SETDB2: variants seen among roughly 807,000 people sequenced by gnomAD.
SETDB2 encodes the protein histone-lysine N-methyltransferase SETDB2.
SETDB2 carries 56 observed loss-of-function variants against 82.5 expected under a neutral mutation model. The observed-to-expected ratio is 0.68, with a 90% CI of 0.55 to 0.85. SETDB2 has a LOEUF of 0.85. Among genes scored for constraint, SETDB2 ranks in the 40% least tolerant of loss-of-function variants. SETDB2 has a pLI of 0.00. For synonymous variants in SETDB2, 272 were observed against 284.9 expected, an observed-to-expected ratio of 0.95 and a Z score of 0.46; for missense variants, 677 against 816.4, an observed-to-expected ratio of 0.83 and a Z score of 2.08.
chr13:49,469,090 G>A (rs9596111), intron 5 of SETDB2, among the ~76,000 whole-genome samples: 7,315 of 152,026 alleles, frequency 0.048, 256 homozygotes, highest in South Asian at 0.13. Context: ...TTTGCTTTAA[G>A]TTCATTATAC....
chr13:49,491,024 G>GCT, intron 13 of SETDB2, 114 bp downstream of exon 13: 1 of 708,078 alleles, frequency 1.4e-6, no homozygotes, highest in Non-Finnish European at 2.3e-6. Flanking sequence ...AGGCCAAGGT[G>GCT]GGGAGACTGC....
chr13:49,491,917 T>A lies in SETDB2; in HGVS notation c.*68T>A, dbSNP rs145083384. The A allele has an allele frequency of 3.0e-4, 319 of 1,066,774 alleles. 1 individual carries two copies. The East Asian group carries it at 7.4e-3, about 25-fold the overall frequency. The allele number at this position is 1,066,774 out of a possible 1,614,324, so 66.1% of individuals were successfully genotyped here. ...GAAATTAAAGCCATGCAAAAGAAGG[T>A]CTAGGTCCATCAAGGAAATTCCCCT... On this transcript the variant is annotated 3_prime_UTR_variant, in exon 14 of 14. Coordinates refer to ENST00000611815, the MANE Select transcript of SETDB2 (RefSeq NM_001160308.3).
intron 5 of SETDB2, among the ~76,000 whole-genome samples, chr13:49,473,551 CA>C (rs769808278): frequency 0.024 from 1,474 of 61,556 alleles, 2 homozygotes; most frequent in East Asian, 0.041. Context: ...ACCCTGTCTC[CA>C]AAAAAAAAAA....
In SETDB2 at chr13:49,468,050, CA is replaced by C. The variant is rs543406808; in HGVS notation, c.305+97del. 187 of 874,566 alleles carry C rather than the reference CA, an allele frequency of 2.1e-4. No individual in the cohort carries two copies. In the African/African-American group the frequency reaches 3.0e-3, roughly 14 times the overall value. The allele number at this position is 874,566 out of a possible 1,614,324, so 54.2% of individuals were successfully genotyped here. On this transcript the variant is annotated intron_variant, in intron 5 of 13. Coordinates refer to ENST00000611815, the MANE Select transcript of SETDB2 (RefSeq NM_001160308.3). ...TTGACATTAGAATAGATGAAATATA[CA>C]AAAAAATTTTTCCCATTAAAGCTTT...
chr13:49,488,824 A>G (rs1452281257), intron 12 of SETDB2, 194 bp downstream of exon 12: 9 of 501,666 alleles, frequency 1.8e-5, no homozygotes, highest in African/African-American at 3.8e-5. Flanking sequence ...ACAGGGATAA[A>G]TGATAACTGT....
intron 10 of SETDB2, among the ~76,000 whole-genome samples, chr13:49,484,141 C>T (rs1459503023): frequency 6.6e-6 from 1 of 152,152 alleles, no homozygotes; most frequent in Non-Finnish European, 1.5e-5. Context: ...TGACAGTGTG[C>T]TCCACTGAGA....
chr13:49,461,877 C>T (rs937820324), intron 4 of SETDB2, among the ~76,000 whole-genome samples: 17 of 152,198 alleles, frequency 1.1e-4, no homozygotes, highest in Non-Finnish European at 2.1e-4. Flanking sequence ...TTCCCACAAC[C>T]CCCTCCTCAG....
intron 2 of SETDB2, among the ~76,000 whole-genome samples, chr13:49,458,156 T>G (rs1014944206): frequency 6.6e-6 from 1 of 152,142 alleles, no homozygotes; most frequent in Admixed American, 6.5e-5. Flanking sequence ...TTCCTTTTGT[T>G]CACTGCAGCC....
intron 5 of SETDB2, among the ~76,000 whole-genome samples, chr13:49,475,086 C>T (rs143313751): frequency 1.1e-3 from 167 of 152,342 alleles, no homozygotes; most frequent in African/African-American, 3.9e-3. Flanking sequence ...ACCAGTTCCA[C>T]ATGGCTGGAG....
At chr13:49,457,215 C>T (rs1469966690) in intron 2 of SETDB2, among the ~76,000 whole-genome samples, 9 of 81,002 alleles carry the variant, frequency 1.1e-4, no homozygotes, top group South Asian at 6.2e-4. Context: ...ATTTCTAAGA[C>T]TTTTTTTTTT....
intron 10 of SETDB2, among the ~76,000 whole-genome samples, chr13:49,484,536 C>G (rs948721207): frequency 2.0e-5 from 3 of 152,138 alleles, no homozygotes; most frequent in African/African-American, 7.2e-5. Context: ...TCCCGAAGTG[C>G]TGGGATTAGA....
At chr13:49,475,361 G>A (rs1032834073) in intron 5 of SETDB2, among the ~76,000 whole-genome samples, 3 of 151,944 alleles carry the variant, frequency 2.0e-5, no homozygotes, top group African/African-American at 7.3e-5. Context: ...CAAATACAAC[G>A]CATCTCTAAA....
intron 13 of SETDB2, among the ~76,000 whole-genome samples, chr13:49,491,241 T>C (rs1958705379): frequency 6.6e-6 from 1 of 152,236 alleles, no homozygotes; most frequent in South Asian, 2.1e-4. Flanking sequence ...ATATATACTA[T>C]AGCCCCAAAT....
chr13:49,480,429 G>T, intron 7 of SETDB2, 94 bp downstream of exon 7: 2 of 726,338 alleles, frequency 2.8e-6, no homozygotes, highest in Non-Finnish European at 2.3e-6. Flanking sequence ...GTTAAATCTG[G>T]TTTAATTTGG....
intron 6 of SETDB2, among the ~76,000 whole-genome samples, chr13:49,479,280 C>T (rs952257217): frequency 2.6e-5 from 4 of 152,012 alleles, no homozygotes; most frequent in Non-Finnish European, 4.4e-5. Flanking sequence ...GGGAAGAGAA[C>T]TAGACAAAAT....
intron 12 of SETDB2, chr13:49,489,293 G>T: frequency 5.3e-6 from 1 of 187,552 alleles, no homozygotes. Context: ...CGGCTAGTGG[G>T]CAACAGAGCA....
chr13:49,459,020 C>G (rs560136758), intron 2 of SETDB2, among the ~76,000 whole-genome samples: 59 of 152,346 alleles, frequency 3.9e-4, no homozygotes, highest in African/African-American at 1.3e-3. Context: ...TTACATTGCT[C>G]TTGTTTAAAA....
Position 49,492,098 on chromosome 13 carries a change from T to C in SETDB2, c.*249T>C. ...GAGTAGGATGGAAGTGTATATTTTA[T>C]ATGAAATACCACTGTACAATTTATA... is the stretch of plus-strand genomic sequence containing the variant. On this transcript the variant is annotated 3_prime_UTR_variant, in exon 14 of 14. Transcript: ENST00000611815. 1 of 396,012 alleles carries C rather than the reference T, an allele frequency of 2.5e-6. No individual in the cohort carries two copies. The allele number at this position is 396,012 out of a possible 1,614,324, so 24.5% of individuals were successfully genotyped here. A position where few individuals can be genotyped will look rare whatever the true frequency, so the allele number is the denominator to read the frequency against.
At chr13:49,461,987 GA>G (rs1350114327) in intron 4 of SETDB2, among the ~76,000 whole-genome samples, 8 of 152,220 alleles carry the variant, frequency 5.3e-5, no homozygotes. Context: ...TGAATAGCCA[GA>G]TGAAGAGGTA....
Sources: gnomAD v4.1 joint callset for allele counts (sites outside exome capture counted in the v4.1 genomes callset) on GRCh38, gnomAD v4.1.1 for gene constraint, MANE v1.5 for transcripts, NCBI Gene and HGNC (gene_info 2026-07-23, HGNC 2026-07-21) for gene names.